The following MID1 variants were observed in gnomAD, a reference collection of about 807,000 sequenced individuals.
MID1 encodes midline 1, also known as E3 ubiquitin-protein ligase Midline-1.
MID1 carries 7 observed loss-of-function variants against 40.4 expected under a neutral mutation model. The observed-to-expected ratio is 0.17, with a 90% CI of 0.10 to 0.33. MID1 has a LOEUF of 0.33. Among genes scored for constraint, MID1 ranks in the 10% least tolerant of loss-of-function variants. The pLI is 1.00. For missense variants in MID1, 367 were observed against 558.5 expected (o/e 0.66, Z 3.46); for synonymous variants, 229 against 221.2 (o/e 1.04, Z -0.31).
intron 2 of MID1, chrX:10,565,055 T>C (rs1392233091): frequency 3.9e-6 from 1 of 256,600 alleles, no homozygotes; most frequent in African/African-American, 2.9e-5. Flanking sequence ...TTAATAGCCT[T>C]CGCAATTTCT....
chrX:10,469,928 C>G (rs73492943), intron 6 of MID1, 88 bp from the exon 7 acceptor site: 18 of 891,089 alleles, frequency 2.0e-5, no homozygotes, highest in Non-Finnish European at 2.4e-5. Context: ...TAAGCAGGTC[C>G]TTCTCAATAG....
intron 7 of MID1, 49 bp from the exon 8 acceptor site, chrX:10,459,856 A>G (rs1928923647): frequency 8.0e-6 from 9 of 1,118,307 alleles, no homozygotes; most frequent in Admixed American, 2.2e-5. Context: ...AAGGGGAGCA[A>G]TGTTTGCATA....
intron 1 of MID1, among the ~76,000 whole-genome samples, chrX:10,709,080 G>A (rs912803983): frequency 3.6e-5 from 4 of 112,234 alleles, no homozygotes; most frequent in Admixed American, 9.5e-5. Context: ...AGTAAGATGC[G>A]TCCTGCTGAG....
At chrX:10,504,298 T>A (rs7064602) in intron 3 of MID1, among the ~76,000 whole-genome samples, 7,738 of 111,125 alleles carry the variant, frequency 0.07, 559 homozygotes, top group African/African-American at 0.21. Context: ...TACAACACAT[T>A]AGACAGCCCC....
At chrX:10,814,626 C>T (rs1285491411) in intron 1 of MID1, among the ~76,000 whole-genome samples, 1 of 108,982 alleles carries the variant, frequency 9.2e-6, no homozygotes, top group African/African-American at 3.4e-5. Flanking sequence ...TGTGTGTGTG[C>T]GCATGCATGC....
chrX:10,752,135 T>C (rs367982487), intron 1 of MID1, among the ~76,000 whole-genome samples: 4 of 111,464 alleles, frequency 3.6e-5, no homozygotes, highest in East Asian at 2.8e-4. Flanking sequence ...ATTTTCCCTA[T>C]AAATTACCTA....
At chrX:10,832,063 C>G (rs994185882) in intron 1 of MID1, among the ~76,000 whole-genome samples, 4 of 112,592 alleles carry the variant, frequency 3.6e-5, no homozygotes, top group African/African-American at 1.3e-4. Context: ...TTTTTCTGAG[C>G]AGCACTGAAA....
chrX:10,816,654 C>T (rs2044137733), intron 1 of MID1, among the ~76,000 whole-genome samples: 1 of 112,168 alleles, frequency 8.9e-6, no homozygotes, highest in African/African-American at 3.2e-5. Context: ...GGATGCACAA[C>T]AACAACCAAC....
intron 1 of MID1, among the ~76,000 whole-genome samples, chrX:10,609,151 G>A (rs1935681414): frequency 9.7e-6 from 1 of 102,923 alleles, no homozygotes. Context: ...ACATGCACAC[G>A]TGCATACACA....
intron 1 of MID1, among the ~76,000 whole-genome samples, chrX:10,695,933 A>G (rs1306319949): frequency 1.8e-5 from 2 of 111,407 alleles, no homozygotes; most frequent in Non-Finnish European, 3.8e-5. Flanking sequence ...GTAGGTGGTT[A>G]GTCAGACAGA....
chrX:10,509,533 C>T (rs939296469), intron 3 of MID1, among the ~76,000 whole-genome samples: 1 of 111,532 alleles, frequency 9.0e-6, no homozygotes, highest in Non-Finnish European at 1.9e-5. Context: ...CTCAGCAACA[C>T]TCCTGATGGA....
chrX:10,711,738 C>G (rs991016935), intron 1 of MID1, among the ~76,000 whole-genome samples: 2 of 112,715 alleles, frequency 1.8e-5, no homozygotes, highest in East Asian at 5.6e-4. Context: ...AAGTGAAGCT[C>G]AAGTGCATTA....
intron 3 of MID1, among the ~76,000 whole-genome samples, chrX:10,512,001 C>T (rs549714864): frequency 1.8e-5 from 2 of 112,141 alleles, no homozygotes; most frequent in African/African-American, 6.5e-5. Context: ...TAGAGCATTT[C>T]GGATTTTGGA....
intron 5 of MID1, among the ~76,000 whole-genome samples, chrX:10,479,141 A>G (rs1325399006): frequency 8.9e-6 from 1 of 112,495 alleles, no homozygotes; most frequent in African/African-American, 3.2e-5. Flanking sequence ...AAGCAATGTC[A>G]TCACAACAGT....
At chrX:10,554,005 TC>T (rs2147439376) in intron 2 of MID1, among the ~76,000 whole-genome samples, 2 of 111,682 alleles carry the variant, frequency 1.8e-5, no homozygotes, top group African/African-American at 6.5e-5. Flanking sequence ...CAAAATGGGG[TC>T]CCTGGGTCTG....
At position 10,547,199 on chromosome X, in the gene MID1, G is replaced by A. The variant is rs182235054; in HGVS notation, c.660+19689C>T. ...TTCCAGCTACTCTGGAGGCTGAGCC[G>A]GGGAGGTCGAGGCTGCAGTGAGCCA... On this transcript the variant is annotated intron_variant, in intron 2 of 9. Coordinates refer to ENST00000317552, the MANE Select transcript of MID1 (RefSeq NM_000381.4). Among the ~76,000 whole-genome samples, 25 of 111,163 alleles carry A rather than the reference G, an allele frequency of 2.2e-4. No homozygotes were observed. In the East Asian group the frequency reaches 6.8e-3, roughly 30 times the overall value.
Position 10,788,002 on chromosome X carries a change from G to A in MID1, c.-187+45552C>T, listed in dbSNP as rs1602578853. On this transcript the variant is annotated intron_variant, in intron 1 of 10. Coordinates refer to the MID1 transcript ENST00000380785. ...ATCACCATCATCATTTTACAGATGA[G>A]GAAACTGAAATTCAGGCATGTTATA... is the stretch of plus-strand genomic sequence containing the variant. 2.7e-5 allele frequency among the ~76,000 whole-genome samples: 3 copies of A among 110,905 alleles called. No homozygotes were observed. The Admixed American group carries it at 2.9e-4, about 11-fold the overall frequency.
chrX:10,680,262 G>A (rs758974415), intron 1 of MID1, among the ~76,000 whole-genome samples: 28 of 111,553 alleles, frequency 2.5e-4, no homozygotes, highest in African/African-American at 8.4e-4. Flanking sequence ...TTGAAGATAC[G>A]TATCTTTACG....
chrX:10,765,941 AG>A lies in MID1; in HGVS notation c.-187+67612del, dbSNP rs201963104. Among the ~76,000 whole-genome samples the A allele has an allele frequency of 4.0e-3, 296 of 73,090 alleles. 1 individual carries two copies. The highest frequency in any genetic ancestry group is 0.017 in the African/African-American group (268 of 15,462). The allele number at this position is 73,090 out of a possible 115,157, so 63.5% of individuals were successfully genotyped here. A position where few individuals can be genotyped will look rare whatever the true frequency, so the allele number is the denominator to read the frequency against. On this transcript the variant is annotated intron_variant, in intron 1 of 10. Coordinates refer to the MID1 transcript ENST00000380785. Reference sequence around the variant, plus strand: ...AAAGAAAGAAAGGAAAGGAAAGGAAAGGAAAGAAAGAAAGAAAGAAAGAAAG... The same window carrying A: ...AAAGAAAGAAAGGAAAGGAAAGGAAAGAAAGAAAGAAAGAAAGAAAGAAAG...
Sources: allele counts gnomAD v4.1 joint callset (sites outside exome capture counted in the v4.1 genomes callset), GRCh38; gene constraint gnomAD v4.1.1; transcripts MANE v1.5; gene names NCBI Gene and HGNC (gene_info 2026-07-23, HGNC 2026-07-21).